The following C6orf118 variants were observed in gnomAD, a reference collection of about 807,000 sequenced individuals.
C6orf118 encodes the protein chromosome 6 open reading frame 118.
A neutral mutation model predicts 50.2 loss-of-function variants in C6orf118; 50 were observed. That is an observed-to-expected ratio of 1.00 (90% confidence interval 0.79 to 1.26). C6orf118 has a LOEUF of 1.26. Ranked by LOEUF, C6orf118 falls within the 50% of genes most tolerant of loss-of-function variation. C6orf118 has a pLI of 0.00. For missense variants in C6orf118, 641 were observed against 578.7 expected (o/e 1.11, Z -1.10); for synonymous variants, 239 against 230.9 (o/e 1.03, Z -0.32).
rs1418976649 is a variant in C6orf118 at position 165,279,691 on chromosome 6, A to G, written c.*366T>C. 1 of 171,224 alleles carries G rather than the reference A, an allele frequency of 5.8e-6. No homozygotes were observed. The highest frequency in any genetic ancestry group is 2.4e-5 in the African/African-American group (1 of 42,346). The allele number at this position is 171,224 out of a possible 1,614,324, so 10.6% of individuals were successfully genotyped here. On this transcript the variant is annotated 3_prime_UTR_variant, in exon 9 of 9. Transcript: ENST00000230301. Reference sequence around the variant, plus strand: ...ATTAAATCACTATAAAATTTTATTAAATGCATATATGTAAACTTGTGTTGG... The same window carrying G: ...ATTAAATCACTATAAAATTTTATTAGATGCATATATGTAAACTTGTGTTGG...
chr6:165,297,904 G>C, intron 5 of C6orf118, 73 bp downstream of exon 5: 2 of 1,594,702 alleles, frequency 1.3e-6, no homozygotes, highest in South Asian at 1.1e-5. Context: ...GTAACCGTAG[G>C]CTTGTCACAG....
intron 4 of C6orf118, among the ~76,000 whole-genome samples, 170 bp from the exon 5 acceptor site, chr6:165,298,271 G>A (rs1450409943): frequency 1.3e-5 from 2 of 152,192 alleles, no homozygotes; most frequent in African/African-American, 4.8e-5. Context: ...TTGGGGGAGG[G>A]ATGGCCCATC....
At chr6:165,306,990 T>C (rs1016446751) in intron 1 of C6orf118, among the ~76,000 whole-genome samples, 1 of 152,178 alleles carries the variant, frequency 6.6e-6, no homozygotes, top group Non-Finnish European at 1.5e-5. Context: ...AAGAAAGTTT[T>C]AAGAATTTAT....
chr6:165,283,489 A>G (rs1331040081), intron 7 of C6orf118, among the ~76,000 whole-genome samples: 1 of 152,216 alleles, frequency 6.6e-6, no homozygotes, highest in Non-Finnish European at 1.5e-5. Context: ...AGGGGCAGTC[A>G]GAGTGCTTCG....
intron 2 of C6orf118, 98 bp downstream of exon 2, chr6:165,301,471 C>T (rs781078834): frequency 2.8e-5 from 41 of 1,482,590 alleles, no homozygotes; most frequent in Non-Finnish European, 3.3e-5. Context: ...AGCTCTGCCC[C>T]GAGAGGTTTG....
intron 2 of C6orf118, 98 bp from the exon 3 acceptor site, chr6:165,300,584 C>T (rs1395652659): frequency 8.3e-7 from 1 of 1,209,448 alleles, no homozygotes. Flanking sequence ...TGCCATCACC[C>T]TGGCGAGTGG....
intron 6 of C6orf118, among the ~76,000 whole-genome samples, chr6:165,290,823 G>A (rs530973534): frequency 1.3e-4 from 20 of 152,206 alleles, no homozygotes; most frequent in Non-Finnish European, 2.2e-4. Flanking sequence ...TCTGTTTCAC[G>A]CTGCTGATAA....
At position 165,289,917 on chromosome 6, in the gene C6orf118, T is replaced by A; in HGVS notation, c.1271A>T (p.Asp424Val). 6.2e-7 allele frequency: 1 copy of A among 1,606,302 alleles called. No homozygotes were observed. Among genetic ancestry groups the A allele is most frequent in the South Asian group, 1.1e-5 (1 of 89,484 alleles). ...KTTLVHTGIS[D>V]ITENRIKSIE... ...GCTTTTAATCCTATTCTCAGTGATA[T>A]CTGAAATTCCAGTATGAACCAAAGT... The change falls in exon 7 of 9, where the codon GAT becomes GTT. Residue 424 changes from aspartate (D) to valine (V), a missense_variant. Coordinates refer to ENST00000230301, the MANE Select transcript of C6orf118 (RefSeq NM_144980.4).
Position 165,281,644 on chromosome 6 carries a change from A to G in C6orf118, c.1352T>C (p.Ile451Thr). Residue 451 changes from isoleucine (I) to threonine (T), a missense_variant, in exon 8 of 9, where the codon ATA becomes ACA. Coordinates refer to ENST00000230301, the MANE Select transcript of C6orf118 (RefSeq NM_144980.4). ...ETENMILKKK[I>T]KGPLEIYQGI... ...TGATTCACACAAAAAACTTACTTTT[A>G]TTTTCTTCTTTAAAATCATATTTTC... 6.7e-7 allele frequency: 1 copy of G among 1,493,934 alleles called. No individual in the cohort carries two copies. The highest frequency in any genetic ancestry group is 8.9e-7 in the Non-Finnish European group (1 of 1,118,822). 92.5% of individuals were successfully genotyped at this position (1,493,934 alleles called of 1,614,324 possible).
Position 165,302,380 on chromosome 6 carries a change from C to A in C6orf118, c.26-84G>T, listed in dbSNP as rs1780591567. The A allele has an allele frequency of 2.7e-6, 4 of 1,498,976 alleles. No homozygotes were observed. In the African/African-American group the frequency reaches 5.6e-5, roughly 21 times the overall value. The allele number at this position is 1,498,976 out of a possible 1,614,324, so 92.9% of individuals were successfully genotyped here. On this transcript the variant is annotated intron_variant, in intron 1 of 8. Transcript: ENST00000230301. ...CTGGTGCACTGGCTGAGAGGCGTAG[C>A]CCCTGACCAAAAGAGGGTCTATGGA...
chr6:165,309,163 G>T (rs1780849989), intron 1 of C6orf118, among the ~76,000 whole-genome samples: 1 of 152,244 alleles, frequency 6.6e-6, no homozygotes, highest in African/African-American at 2.4e-5. Flanking sequence ...ATAGGAGCGC[G>T]GAAAGGCAGC....
chr6:165,295,076 A>G (rs941714821), intron 5 of C6orf118, among the ~76,000 whole-genome samples: 1 of 151,884 alleles, frequency 6.6e-6, no homozygotes, highest in South Asian at 2.1e-4. Flanking sequence ...ATTGGACATT[A>G]TTTGCTTATG....
chr6:165,286,031 G>C (rs888874963), intron 7 of C6orf118, among the ~76,000 whole-genome samples: 2 of 151,360 alleles, frequency 1.3e-5, no homozygotes, highest in African/African-American at 4.9e-5. Context: ...TAGACCACTA[G>C]CTAGATTAAT....
At chr6:165,288,566 A>T (rs931865091) in intron 7 of C6orf118, among the ~76,000 whole-genome samples, 9 of 152,232 alleles carry the variant, frequency 5.9e-5, no homozygotes, top group African/African-American at 1.9e-4. Flanking sequence ...TAGATTTTTT[A>T]AATGTGGTAT....
At chr6:165,281,018 G>A (rs1465278824) in intron 8 of C6orf118, among the ~76,000 whole-genome samples, 1 of 152,152 alleles carries the variant, frequency 6.6e-6, no homozygotes, top group Non-Finnish European at 1.5e-5. Context: ...AAAAGTAACT[G>A]TGCGAAGTAT....
At position 165,289,881 on chromosome 6, in the gene C6orf118, C is replaced by T. The variant is rs781167038; in HGVS notation, c.1302+5G>A. 8.1e-5 allele frequency: 126 copies of T among 1,555,146 alleles called. No homozygotes were observed. In the South Asian group the frequency reaches 9.9e-4, roughly 12 times the overall value. ...TGTAAATATTTAAATAAATAAGTTG[C>T]GTACCTCTATGCTTTTAATCCTATT... On this transcript the variant is annotated splice_donor_5th_base_variant and intron_variant, in intron 7 of 8. Transcript: ENST00000230301.
intron 6 of C6orf118, among the ~76,000 whole-genome samples, chr6:165,290,840 AC>A (rs568606996): frequency 6.6e-6 from 1 of 152,268 alleles, no homozygotes; most frequent in South Asian, 2.1e-4. Context: ...ATAAAGACAT[AC>A]CTGAGACTGG....
intron 3 of C6orf118, 120 bp downstream of exon 3, chr6:165,300,244 C>T: frequency 5.8e-6 from 7 of 1,200,702 alleles, no homozygotes; most frequent in Non-Finnish European, 8.2e-6. Context: ...GTGATGGTCC[C>T]TGTCTGTAGA....
chr6:165,303,098 A>T (rs1187109160), intron 1 of C6orf118, among the ~76,000 whole-genome samples: 2 of 152,210 alleles, frequency 1.3e-5, no homozygotes, highest in Non-Finnish European at 2.9e-5. Flanking sequence ...GTGTACTGTG[A>T]TGGCCAAAGG....
Sources: allele counts gnomAD v4.1 joint callset (sites outside exome capture counted in the v4.1 genomes callset), GRCh38; gene constraint gnomAD v4.1.1; transcripts MANE v1.5; gene names NCBI Gene and HGNC (gene_info 2026-07-23, HGNC 2026-07-21).